PTPRQ: variants seen among roughly 807,000 people sequenced by gnomAD.
The protein encoded by PTPRQ is protein tyrosine phosphatase receptor type Q.
PTPRQ carries 199 observed loss-of-function variants against 246.0 expected under a neutral mutation model. The observed-to-expected ratio is 0.81, with a 90% CI of 0.72 to 0.91. The LOEUF is 0.91. PTPRQ is among the 40% of genes least tolerant of loss of function. PTPRQ has a pLI of 0.00. For missense variants in PTPRQ, 2,624 were observed against 2,528.4 expected, an observed-to-expected ratio of 1.04 and a Z score of -0.81; for synonymous variants, 869 against 853.2, an observed-to-expected ratio of 1.02 and a Z score of -0.32.
At chr12:80,493,196 G>GT in intron 9 of PTPRQ, 79 bp from the exon 10 acceptor site, 1 of 1,331,492 alleles carries the variant, frequency 7.5e-7, no homozygotes, top group Non-Finnish European at 9.7e-7. Flanking sequence ...AAAGTTATAG[G>GT]TTTTTTAGAA....
intron 38 of PTPRQ, among the ~76,000 whole-genome samples, chr12:80,654,118 G>A (rs983360044): frequency 1.2e-5 from 1 of 84,048 alleles, no homozygotes. Flanking sequence ...CTTTCTTTTT[G>A]GACTTTTGAT....
At chr12:80,467,707 G>T (rs987613203) in intron 6 of PTPRQ, among the ~76,000 whole-genome samples, 3 of 151,482 alleles carry the variant, frequency 2.0e-5, no homozygotes, top group Non-Finnish European at 2.9e-5. Flanking sequence ...GTCCTTTGTA[G>T]GGACATGGAT....
chr12:80,554,154 C>T (rs186523582), intron 25 of PTPRQ, among the ~76,000 whole-genome samples: 106 of 152,156 alleles, frequency 7.0e-4, no homozygotes, highest in South Asian at 5.2e-3. Flanking sequence ...TATTTGATAG[C>T]ACAACAGGGT....
intron 26 of PTPRQ, among the ~76,000 whole-genome samples, chr12:80,590,807 TC>T (rs1897774467): frequency 6.6e-6 from 1 of 152,046 alleles, no homozygotes; most frequent in Non-Finnish European, 1.5e-5. Context: ...TAGCCATGTT[TC>T]CCCCATACCA....
At chr12:80,676,000 A>T (rs1289976285) in intron 43 of PTPRQ, among the ~76,000 whole-genome samples, 1 of 152,084 alleles carries the variant, frequency 6.6e-6, no homozygotes, top group Non-Finnish European at 1.5e-5. Context: ...GCAGGCAGTA[A>T]ATGTCCAGTG....
At chr12:80,602,762 G>C (rs768083285) in intron 26 of PTPRQ, among the ~76,000 whole-genome samples, 3 of 151,722 alleles carry the variant, frequency 2.0e-5, no homozygotes, top group Non-Finnish European at 2.9e-5. Flanking sequence ...ACATCTTATA[G>C]CTCTCTAGTA....
At chr12:80,493,597 C>A in intron 10 of PTPRQ, 142 bp downstream of exon 10, 1 of 1,250,210 alleles carries the variant, frequency 8.0e-7, no homozygotes, top group South Asian at 1.9e-5. Flanking sequence ...TGTCGGAAAA[C>A]CTCATGCAAC....
In PTPRQ at chr12:80,523,836, A is replaced by G. The variant is rs561249211; in HGVS notation, c.2679-10179A>G. Reference sequence around the variant, plus strand: ...TGGTGTTGTGCTGAAAAGAATGCATATTCTGTTGATTTGGGGTGGAGAGTT... The same window carrying G: ...TGGTGTTGTGCTGAAAAGAATGCATGTTCTGTTGATTTGGGGTGGAGAGTT... On this transcript the variant is annotated intron_variant, in intron 17 of 44. Coordinates refer to ENST00000644991, the MANE Select transcript of PTPRQ (RefSeq NM_001145026.2). Among the ~76,000 whole-genome samples the G allele has an allele frequency of 5.9e-5, 9 of 152,266 alleles. No individual in the cohort carries two copies. In the South Asian group the frequency reaches 1.9e-3, roughly 32 times the overall value.
At position 80,496,628 on chromosome 12, in the gene PTPRQ, A is replaced by G. The variant is rs79102190; in HGVS notation, c.2272+97A>G. On this transcript the variant is annotated intron_variant, in intron 14 of 44. Transcript: ENST00000644991. ...TTGTTTACATTTTACATAACCTAAA[A>G]TCCCTCATTATTTTGTTTTATATAA... 6.6e-3 allele frequency: 9,050 copies of G among 1,363,592 alleles called. 514 individuals carry two copies. The East Asian group carries it at 0.15, about 23-fold the overall frequency. The allele number at this position is 1,363,592 out of a possible 1,614,324, so 84.5% of individuals were successfully genotyped here.
chr12:80,597,922 A>C (rs528705228), intron 26 of PTPRQ, among the ~76,000 whole-genome samples: 2 of 152,112 alleles, frequency 1.3e-5, no homozygotes, highest in African/African-American at 4.8e-5. Context: ...ATTCTCAGAA[A>C]ATATGTATTC....
intron 38 of PTPRQ, among the ~76,000 whole-genome samples, chr12:80,657,720 A>G (rs184567618): frequency 2.6e-5 from 4 of 152,010 alleles, no homozygotes; most frequent in Admixed American, 2.0e-4. Context: ...TGCAGAACAG[A>G]TTGTATATCA....
At chr12:80,464,011 C>A (rs540941473) in intron 6 of PTPRQ, among the ~76,000 whole-genome samples, 2 of 151,812 alleles carry the variant, frequency 1.3e-5, no homozygotes, top group Non-Finnish European at 2.9e-5. Context: ...CAAATTCACA[C>A]ATAACAATAT....
chr12:80,487,664 C>G (rs1894322184), intron 9 of PTPRQ, among the ~76,000 whole-genome samples: 1 of 152,084 alleles, frequency 6.6e-6, no homozygotes, highest in Non-Finnish European at 1.5e-5. Context: ...TCAATAGCCA[C>G]TTAATGTTAA....
Position 80,506,048 on chromosome 12 carries a change from T to C in PTPRQ, c.2297T>C (p.Ile766Thr). The change falls in exon 15 of 45, where the codon ATC (isoleucine) becomes ACC (threonine). Residue 766 changes from isoleucine to threonine, a missense_variant. Transcript: ENST00000644991. Reference sequence around the variant, plus strand: ...GTGCCTGATAGTGCACCAGAAAATATCACTTACAAAAATATTTCTTCTGGA... The same window carrying C: ...GTGCCTGATAGTGCACCAGAAAATACCACTTACAAAAATATTTCTTCTGGA... ...ETVPDSAPEN[I>T]TYKNISSGEI... The C allele has an allele frequency of 1.3e-6, 2 of 1,546,856 alleles. No individual in the cohort carries two copies. Among genetic ancestry groups the C allele is most frequent in the South Asian group, 1.2e-5 (1 of 82,692 alleles).
rs1203346627 is a variant in PTPRQ, at chr12:80,666,895, T to C, written c.6193-2112T>C. ...ATTGATATCACCCATGCCACCAATA[T>C]TTCTTGGCTGAATTGTTACAATAAC... On this transcript the variant is annotated intron_variant, in intron 39 of 44. Transcript: ENST00000644991. 2.0e-5 allele frequency among the ~76,000 whole-genome samples: 3 copies of C among 151,922 alleles called. No homozygotes were observed. In the South Asian group the frequency reaches 6.2e-4, roughly 31 times the overall value.
chr12:80,541,159 G>A (rs1338747056), intron 20 of PTPRQ, among the ~76,000 whole-genome samples: 1 of 151,970 alleles, frequency 6.6e-6, no homozygotes, highest in African/African-American at 2.4e-5. Flanking sequence ...TTCCTCATAT[G>A]TACAACAAGG....
chr12:80,538,977 A>G (rs1896069219), intron 19 of PTPRQ, among the ~76,000 whole-genome samples: 1 of 152,162 alleles, frequency 6.6e-6, no homozygotes, highest in Non-Finnish European at 1.5e-5. Context: ...TGTGGATTGG[A>G]ATGATTCAGG....
At chr12:80,453,328 G>A (rs7310064) in intron 3 of PTPRQ, among the ~76,000 whole-genome samples, 44,846 of 151,934 alleles carry the variant, frequency 0.3, 6,988 homozygotes, top group African/African-American at 0.36. Context: ...CCTGTAGCTC[G>A]GAGTAGTTTG....
intron 26 of PTPRQ, among the ~76,000 whole-genome samples, chr12:80,588,964 G>A (rs1320870573): frequency 2.6e-5 from 4 of 152,168 alleles, no homozygotes; most frequent in Non-Finnish European, 4.4e-5. Flanking sequence ...GAAATATCAA[G>A]CATTCAACTC....
Sources: gnomAD v4.1 joint callset for allele counts (sites outside exome capture counted in the v4.1 genomes callset) on GRCh38, gnomAD v4.1.1 for gene constraint, MANE v1.5 for transcripts, NCBI Gene and HGNC (gene_info 2026-07-23, HGNC 2026-07-21) for gene names.